The following TFB2M variants were observed in gnomAD, a reference collection of about 807,000 sequenced individuals.
The protein encoded by TFB2M is transcription factor B2, mitochondrial, also known as dimethyladenosine transferase 2, mitochondrial.
Under a neutral mutation model 41.3 loss-of-function variants are expected in TFB2M, and 44 were observed. The ratio of observed to expected loss-of-function variants is 1.07; its 90% confidence interval spans 0.84 to 1.37. The LOEUF is 1.37. Ranked by LOEUF, TFB2M falls within the 40% of genes most tolerant of loss-of-function variation. The pLI, the probability that TFB2M is intolerant of heterozygous loss-of-function variation, is 0.00. For synonymous variants in TFB2M, 188 were observed against 176.8 expected (o/e 1.06, Z -0.50); for missense variants, 496 against 490.2 (o/e 1.01, Z -0.11).
In TFB2M at chr1:246,560,851, A is replaced by T. The variant is rs1306797856; in HGVS notation, c.403-3317T>A. ...TCTCATTTACTGGGTGCAGTGGGTC[A>T]AGCCTGTAATCCTAGCACTTTGGAG... On this transcript the variant is annotated intron_variant, in intron 2 of 7. Coordinates refer to ENST00000366514, the MANE Select transcript of TFB2M (RefSeq NM_022366.3). Among the ~76,000 whole-genome samples the T allele has an allele frequency of 5.9e-5, 9 of 152,314 alleles. No homozygotes were observed. In the East Asian group the frequency reaches 1.5e-3, roughly 26 times the overall value.
chr1:246,559,849 A>G (rs961921181), intron 2 of TFB2M, among the ~76,000 whole-genome samples: 3 of 152,232 alleles, frequency 2.0e-5, no homozygotes, highest in Non-Finnish European at 4.4e-5. Flanking sequence ...CCCTGAAGGT[A>G]GAGTATGTCC....
In TFB2M at chr1:246,544,685, G is replaced by C. The variant is rs749691364; in HGVS notation, c.859-4C>G. 4 of 1,579,942 alleles carry C rather than the reference G, an allele frequency of 2.5e-6. No homozygotes were observed. The highest frequency in any genetic ancestry group is 1.4e-5 in the African/African-American group (1 of 72,282). ...GTTGTAATTGGTCTAATAATTCCTG[G>C]AGAGAAGAAAAAATGAATTGCATTA... is the stretch of plus-strand genomic sequence containing the variant. On this transcript the variant is annotated splice_region_variant and splice_polypyrimidine_tract_variant and intron_variant, in intron 6 of 7. Coordinates refer to ENST00000366514, the MANE Select transcript of TFB2M (RefSeq NM_022366.3).
In TFB2M at chr1:246,544,607, G is replaced by A; in HGVS notation, c.933C>T (p.Asn311=). 3.1e-6 allele frequency: 5 copies of A among 1,610,702 alleles called. No homozygotes were observed. In the South Asian group the frequency reaches 5.6e-5, roughly 18 times the overall value. The part of the protein sequence containing the change: ...MIPRQNLFTK[N]LTPMNYNIFF... Reference sequence around the variant, plus strand: ...ATATATTATAGTTCATAGGTGTTAAGTTCTTGGTAAATAAATTTTGACGAG... The same window carrying A: ...ATATATTATAGTTCATAGGTGTTAAATTCTTGGTAAATAAATTTTGACGAG... Residue 311 remains asparagine (N), a synonymous_variant, in exon 7 of 8, where the codon AAC becomes AAT. Coordinates refer to ENST00000366514, the MANE Select transcript of TFB2M (RefSeq NM_022366.3).
At chr1:246,548,639 T>G (rs778486484) in intron 5 of TFB2M, 32 bp from the exon 6 acceptor site, 18 of 1,598,970 alleles carry the variant, frequency 1.1e-5, no homozygotes, top group Non-Finnish European at 1.4e-5. Context: ...AAACAACATC[T>G]TTTATTTCTC....
At chr1:246,557,352 T>C (rs754370936) in intron 3 of TFB2M, 29 bp downstream of exon 3, 6 of 1,599,148 alleles carry the variant, frequency 3.8e-6, no homozygotes, top group Non-Finnish European at 5.1e-6. Flanking sequence ...AAATTCTAGG[T>C]ATTTGCTTTA....
chr1:246,560,757 GA>G (rs1659436988), intron 2 of TFB2M, among the ~76,000 whole-genome samples: 2 of 152,096 alleles, frequency 1.3e-5, no homozygotes. Context: ...AAAAAACAGA[GA>G]AAAGGCAAGT....
intron 5 of TFB2M, 40 bp downstream of exon 5, chr1:246,551,173 G>A (rs374037952): frequency 3.0e-5 from 46 of 1,508,328 alleles, no homozygotes; most frequent in Admixed American, 1.7e-4. Flanking sequence ...AGACCCTGTC[G>A]CTAAAGAAAA....
chr1:246,559,519 A>C (rs909670554), intron 2 of TFB2M, among the ~76,000 whole-genome samples: 1 of 152,326 alleles, frequency 6.6e-6, no homozygotes, highest in Admixed American at 6.5e-5. Context: ...ACTGCACTCT[A>C]GTCAGGGTGA....
chr1:246,548,309 A>C (rs911936557), intron 6 of TFB2M, among the ~76,000 whole-genome samples: 1 of 152,130 alleles, frequency 6.6e-6, no homozygotes, highest in Admixed American at 6.5e-5. Context: ...AGATATAAGA[A>C]GAGAACTCAG....
intron 4 of TFB2M, among the ~76,000 whole-genome samples, chr1:246,555,760 T>C (rs1659304393): frequency 6.6e-6 from 1 of 151,846 alleles, no homozygotes; most frequent in Non-Finnish European, 1.5e-5. Context: ...ATGTCATTGA[T>C]ACATCAACAC....
rs371554842 is a variant in TFB2M, at chr1:246,541,004, G to A, written c.*27C>T. 5.2e-5 allele frequency: 82 copies of A among 1,575,982 alleles called. No homozygotes were observed. Among genetic ancestry groups the A allele is most frequent in the African/African-American group, 1.1e-4 (8 of 73,258 alleles). On this transcript the variant is annotated 3_prime_UTR_variant, in exon 8 of 8. Coordinates refer to ENST00000366514, the MANE Select transcript of TFB2M (RefSeq NM_022366.3). Reference sequence around the variant, plus strand: ...GTCATAGTTTCCAAATAAATGAACCGCTCCACCAAAAACGACAGTCTAGTT... The same window carrying A: ...GTCATAGTTTCCAAATAAATGAACCACTCCACCAAAAACGACAGTCTAGTT...
At chr1:246,558,969 CTGA>C (rs1659390686) in intron 2 of TFB2M, among the ~76,000 whole-genome samples, 1 of 152,080 alleles carries the variant, frequency 6.6e-6, no homozygotes, top group South Asian at 2.1e-4. Flanking sequence ...AATGTGTACA[CTGA>C]TGTTTCTGTG....
intron 2 of TFB2M, among the ~76,000 whole-genome samples, chr1:246,560,170 A>C (rs139054907): frequency 3.9e-5 from 6 of 152,094 alleles, no homozygotes; most frequent in African/African-American, 1.4e-4. Flanking sequence ...TTGATGTTTC[A>C]GGGTGGCCTA....
Position 246,566,010 on chromosome 1 carries a change from C to T in TFB2M, c.129G>A (p.Gly43=), listed in dbSNP as rs750778787. The T allele has an allele frequency of 1.2e-6, 2 of 1,614,218 alleles. No individual in the cohort carries two copies. The highest frequency in any genetic ancestry group is 1.1e-5 in the South Asian group (1 of 91,088). The part of the protein sequence containing the change: ...RKHLPARNHC[G]LSDSSPQLWP... Reference sequence around the variant, plus strand: ...ACAGCTGCGGAGAGGAGTCAGAGAGCCCACAGTGGTTCCTCGCCGGCAAAT... The same window carrying T: ...ACAGCTGCGGAGAGGAGTCAGAGAGTCCACAGTGGTTCCTCGCCGGCAAAT... The change falls in exon 1 of 8, where the codon GGG becomes GGA. Residue 43 remains glycine (G), a synonymous_variant. Coordinates refer to ENST00000366514, the MANE Select transcript of TFB2M (RefSeq NM_022366.3).
Position 246,541,143 on chromosome 1 carries a change from T to G in TFB2M, c.1079A>C (p.Glu360Ala). The part of the protein sequence containing the change: ...ILMQIGKQED[E>A]KVVNMHPQDF... ...TTGAGGGTGCATGTTAACTACTTTCTCATCCTCCTGTTTTCCTATTTGCAT... is the reference window on the plus strand; with the variant it reads ...TTGAGGGTGCATGTTAACTACTTTCGCATCCTCCTGTTTTCCTATTTGCAT... The change falls in exon 8 of 8, where the codon GAG becomes GCG. Residue 360 changes from glutamate (E) to alanine (A), a missense_variant. Physicochemically the swap from Glu to Ala is moderately radical, Grantham distance 107. Transcript: ENST00000366514. The G allele has an allele frequency of 6.2e-7, 1 of 1,614,154 alleles. No homozygotes were observed. The highest frequency in any genetic ancestry group is 8.5e-7 in the Non-Finnish European group (1 of 1,179,994).
At chr1:246,556,339 T>G (rs1659320106) in intron 4 of TFB2M, among the ~76,000 whole-genome samples, 1 of 152,134 alleles carries the variant, frequency 6.6e-6, no homozygotes, top group South Asian at 2.1e-4. Context: ...TGGTATGGGA[T>G]GATGAAAAGT....
rs1400268391 is a variant in TFB2M, at chr1:246,566,240, A to G, written c.-102T>C. The G allele has an allele frequency of 3.2e-6, 4 of 1,243,106 alleles. No homozygotes were observed. Among genetic ancestry groups the G allele is most frequent in the African/African-American group, 1.5e-5 (1 of 66,168 alleles). The allele number at this position is 1,243,106 out of a possible 1,614,324, so 77.0% of individuals were successfully genotyped here. On this transcript the variant is annotated 5_prime_UTR_variant, in exon 1 of 8. Transcript: ENST00000366514. ...TGGAACATTTTCTGGCGTCCGGGCCAGGTCAAGCGGAAGTAAACACTAGAG... is the reference window on the plus strand; with the variant it reads ...TGGAACATTTTCTGGCGTCCGGGCCGGGTCAAGCGGAAGTAAACACTAGAG...
At chr1:246,548,085 T>C (rs1418330716) in intron 6 of TFB2M, among the ~76,000 whole-genome samples, 1 of 152,150 alleles carries the variant, frequency 6.6e-6, no homozygotes, top group Non-Finnish European at 1.5e-5. Flanking sequence ...TAGCTGGAAT[T>C]ACAGGCATGC....
rs745408018 is a variant in TFB2M, at chr1:246,557,429, G to C, written c.508C>G (p.Arg170Gly). The part of the protein sequence containing the change: ...GVIKPPAMSS[R>G]GLFKNLGIEA... ...ATTCCCAAATTCTTAAAGAGCCCTC[G>C]AGAAGACATAGCAGGTGGTTTTATT... The change falls in exon 3 of 8, where the codon CGA becomes GGA. Residue 170 changes from arginine to glycine, a missense_variant. Physicochemically the swap from Arg to Gly is moderately radical, Grantham distance 125. Transcript: ENST00000366514. 18 of 1,613,466 alleles carry C rather than the reference G, an allele frequency of 1.1e-5. No individual in the cohort carries two copies. Among genetic ancestry groups the C allele is most frequent in the Non-Finnish European group, 1.5e-5 (18 of 1,179,838 alleles).
Sources: allele counts gnomAD v4.1 joint callset (sites outside exome capture counted in the v4.1 genomes callset), GRCh38; gene constraint gnomAD v4.1.1; transcripts MANE v1.5; gene names NCBI Gene and HGNC (gene_info 2026-07-23, HGNC 2026-07-21).